The following ANTXR1 variants were observed in gnomAD, a reference collection of about 807,000 sequenced individuals.
ANTXR1 encodes ANTXR cell adhesion molecule 1.
A neutral mutation model predicts 78.1 loss-of-function variants in ANTXR1; 19 were observed. The observed-to-expected ratio is 0.24, with a 90% CI of 0.17 to 0.36. The LOEUF (loss-of-function observed/expected upper bound fraction) is 0.36, where lower values mean the gene tolerates loss of function less well. ANTXR1 is among the 10% of genes least tolerant of loss of function. The probability of loss-of-function intolerance (pLI) is 1.00; values close to 1 mark genes in which losing one functional copy is unlikely to be tolerated. For missense variants in ANTXR1, 518 were observed against 718.6 expected (o/e 0.72, Z 3.19); for synonymous variants, 273 against 260.5 (o/e 1.05, Z -0.46).
intron 13 of ANTXR1, among the ~76,000 whole-genome samples, chr2:69,163,628 G>A (rs1241101543): frequency 1.3e-5 from 2 of 152,148 alleles, no homozygotes; most frequent in East Asian, 3.8e-4. Context: ...TTCGAACCAG[G>A]ACACACGCTC....
Position 69,151,929 on chromosome 2 carries a change from C to T in ANTXR1, c.952-240C>T, listed in dbSNP as rs554487346. 8.4e-4 allele frequency among the ~76,000 whole-genome samples: 128 copies of T among 152,298 alleles called. 3 individuals carry two copies. Among genetic ancestry groups the T allele is most frequent in the Middle Eastern group, 6.8e-3 (2 of 294 alleles). ...TATGCAGTTGGTCTTTCAAAATGTT[C>T]CTCAAAGGGAAGAACAGGGCCTCTC... On this transcript the variant is annotated intron_variant, in intron 12 of 17. Transcript: ENST00000303714.
chr2:69,205,915 T>C (rs777163776), intron 17 of ANTXR1, among the ~76,000 whole-genome samples: 1 of 152,216 alleles, frequency 6.6e-6, no homozygotes, highest in Non-Finnish European at 1.5e-5. Context: ...TTTAAGTTTG[T>C]TTGAAAATAG....
chr2:69,129,694 T>C (rs1191728337), intron 12 of ANTXR1, among the ~76,000 whole-genome samples: 1 of 150,892 alleles, frequency 6.6e-6, no homozygotes, highest in Non-Finnish European at 1.5e-5. Context: ...GAGGTTACAG[T>C]GAGCCGAGAT....
chr2:69,185,975 G>A (rs974777017), intron 16 of ANTXR1, among the ~76,000 whole-genome samples: 19 of 152,260 alleles, frequency 1.2e-4, no homozygotes, highest in African/African-American at 3.9e-4. Context: ...ATACATAGCC[G>A]TTGGTGTGAT....
At chr2:69,041,444 T>G (rs542006801) in intron 2 of ANTXR1, among the ~76,000 whole-genome samples, 14 of 152,320 alleles carry the variant, frequency 9.2e-5, no homozygotes, top group Non-Finnish European at 1.6e-4. Context: ...CTCCACACCC[T>G]TCACAGTAAC....
chr2:69,184,058 C>T (rs998688626), intron 16 of ANTXR1, among the ~76,000 whole-genome samples: 3 of 95,556 alleles, frequency 3.1e-5, no homozygotes, highest in African/African-American at 2.5e-4. Context: ...TACACATACA[C>T]ACACTCACAC....
chr2:69,026,145 G>A (rs1671337444), intron 1 of ANTXR1, among the ~76,000 whole-genome samples: 1 of 152,158 alleles, frequency 6.6e-6, no homozygotes, highest in African/African-American at 2.4e-5. Context: ...TACATTTCCT[G>A]ACCCTTCCAT....
At chr2:69,174,665 T>C (rs1674073588) in intron 14 of ANTXR1, among the ~76,000 whole-genome samples, 1 of 152,118 alleles carries the variant, frequency 6.6e-6, no homozygotes, top group Non-Finnish European at 1.5e-5. Flanking sequence ...ACTGGACATT[T>C]ATAAAGTTGG....
chr2:69,199,174 C>G (rs1370014238), intron 17 of ANTXR1, among the ~76,000 whole-genome samples: 1 of 152,204 alleles, frequency 6.6e-6, no homozygotes, highest in Non-Finnish European at 1.5e-5. Flanking sequence ...TCAGAATCAC[C>G]TAGAAGGTTT....
At position 69,140,997 on chromosome 2, in the gene ANTXR1, G is replaced by A. The variant is rs142213764; in HGVS notation, c.952-11172G>A. 2.7e-3 allele frequency among the ~76,000 whole-genome samples: 415 copies of A among 152,264 alleles called. 1 individual carries two copies. The highest frequency in any genetic ancestry group is 8.6e-3 in the African/African-American group (359 of 41,536). On this transcript the variant is annotated intron_variant, in intron 12 of 17. Coordinates refer to ENST00000303714, the MANE Select transcript of ANTXR1 (RefSeq NM_032208.3). ...GTTTCATTATGTTACCCTCATTTAT[G>A]GTTGATCAGCTTTGATCAAGGATAT...
chr2:69,039,884 A>C (rs776837180), intron 1 of ANTXR1, among the ~76,000 whole-genome samples, 160 bp from the exon 2 acceptor site: 1 of 152,222 alleles, frequency 6.6e-6, no homozygotes, highest in Non-Finnish European at 1.5e-5. Flanking sequence ...CAGAAAGTTG[A>C]AACAGCCTTT....
At chr2:69,100,071 C>G (rs951148501) in intron 9 of ANTXR1, among the ~76,000 whole-genome samples, 1 of 152,200 alleles carries the variant, frequency 6.6e-6, no homozygotes, top group African/African-American at 2.4e-5. Flanking sequence ...TGAGGTACTT[C>G]TTATAGGAGC....
At chr2:69,232,008 A>T (rs1675610050) in intron 17 of ANTXR1, among the ~76,000 whole-genome samples, 1 of 152,200 alleles carries the variant, frequency 6.6e-6, no homozygotes, top group South Asian at 2.1e-4. Flanking sequence ...AGGAAGCAAG[A>T]ATTATTTGGG....
chr2:69,148,453 G>C (rs1263425176), intron 12 of ANTXR1, among the ~76,000 whole-genome samples: 2 of 152,140 alleles, frequency 1.3e-5, no homozygotes, highest in African/African-American at 4.8e-5. Context: ...TGGTCTGCTG[G>C]GAGCTATGGA....
intron 10 of ANTXR1, among the ~76,000 whole-genome samples, chr2:69,115,778 G>T (rs1672121956): frequency 6.6e-6 from 1 of 152,212 alleles, no homozygotes; most frequent in Admixed American, 6.5e-5. Context: ...AACTAGCCAG[G>T]GAGGGCTTCC....
chr2:69,043,794 G>T lies in ANTXR1; in HGVS notation c.225-948G>T, dbSNP rs11887395. ...AGCAAAGAACCTTCCTAGGCAAGACGCCAGCTAGGAAATTGTAGTGGTCAG... is the reference window on the plus strand; with the variant it reads ...AGCAAAGAACCTTCCTAGGCAAGACTCCAGCTAGGAAATTGTAGTGGTCAG... On this transcript the variant is annotated intron_variant, in intron 2 of 17. Coordinates refer to ENST00000303714, the MANE Select transcript of ANTXR1 (RefSeq NM_032208.3). Among the ~76,000 whole-genome samples the T allele has an allele frequency of 2.6e-5, 4 of 152,056 alleles. No individual in the cohort carries two copies. The East Asian group carries it at 7.7e-4, about 29-fold the overall frequency.
At chr2:69,145,633 A>G in intron 12 of ANTXR1, 1 of 1,233,912 alleles carries the variant, frequency 8.1e-7, no homozygotes, top group East Asian at 3.4e-5. Context: ...TGCGGTGGGC[A>G]TCAGGCAGAA....
chr2:69,205,264 C>T (rs1674867987), intron 17 of ANTXR1, among the ~76,000 whole-genome samples: 2 of 152,034 alleles, frequency 1.3e-5, no homozygotes, highest in South Asian at 2.1e-4. Context: ...AGAGAAGGGC[C>T]GCCTTCTAGT....
At chr2:69,028,826 C>A (rs1671434178) in intron 1 of ANTXR1, among the ~76,000 whole-genome samples, 1 of 152,040 alleles carries the variant, frequency 6.6e-6, no homozygotes, top group Admixed American at 6.5e-5. Flanking sequence ...ATAATGACCA[C>A]CACATTGAAT....
Sources: gnomAD v4.1 joint callset for allele counts (sites outside exome capture counted in the v4.1 genomes callset) on GRCh38, gnomAD v4.1.1 for gene constraint, MANE v1.5 for transcripts, NCBI Gene and HGNC (gene_info 2026-07-23, HGNC 2026-07-21) for gene names.